Variants in RFFL observed in about 807,000 individuals in gnomAD.
RFFL encodes the protein E3 ubiquitin-protein ligase rififylin.
RFFL carries 16 observed loss-of-function variants against 40.4 expected under a neutral mutation model. The ratio of observed to expected loss-of-function variants is 0.40; its 90% confidence interval spans 0.27 to 0.60. RFFL has a LOEUF of 0.60. Among genes scored for constraint, RFFL ranks in the 20% least tolerant of loss-of-function variants. RFFL has a pLI of 0.47. For synonymous variants in RFFL, 154 were observed against 167.9 expected (o/e 0.92, Z 0.64); for missense variants, 367 against 451.7 (o/e 0.81, Z 1.70).
intron 1 of RFFL, among the ~76,000 whole-genome samples, chr17:35,086,452 G>A (rs2091430107): frequency 6.7e-6 from 1 of 149,770 alleles, no homozygotes; most frequent in Admixed American, 6.7e-5. Flanking sequence ...ACTCCAGCAT[G>A]GTTGACAAGA....
intron 1 of RFFL, among the ~76,000 whole-genome samples, chr17:35,035,408 CAAA>C (rs35989343): frequency 1.7e-5 from 2 of 115,752 alleles, no homozygotes; most frequent in Non-Finnish European, 1.9e-5. Flanking sequence ...GACTCCATCT[CAAA>C]AAAAAAAAAA....
chr17:35,022,251 G>T (rs2240074), intron 2 of RFFL, among the ~76,000 whole-genome samples: 34,061 of 152,064 alleles, frequency 0.22, 6,129 homozygotes, highest in African/African-American at 0.5. Context: ...GATTAAGAGA[G>T]AACCCATTTA....
chr17:35,040,313 C>T (rs907514536), intron 1 of RFFL, among the ~76,000 whole-genome samples: 3 of 152,004 alleles, frequency 2.0e-5, no homozygotes, highest in Non-Finnish European at 2.9e-5. Context: ...CTTTAAATAC[C>T]TTTCTTGGCC....
chr17:35,051,348 C>T (rs1346420491), intron 1 of RFFL, among the ~76,000 whole-genome samples: 1 of 152,242 alleles, frequency 6.6e-6, no homozygotes, highest in East Asian at 1.9e-4. Flanking sequence ...ACACGAGTTA[C>T]AGCAGACAAA....
chr17:35,021,329 C>T (rs752271507), intron 3 of RFFL, 42 bp downstream of exon 3: 172 of 1,501,716 alleles, frequency 1.1e-4, no homozygotes, highest in Non-Finnish European at 1.5e-4. Flanking sequence ...AATGAGCCCT[C>T]AAACTGGCAC....
chr17:35,045,255 C>T (rs1261433856), intron 1 of RFFL, among the ~76,000 whole-genome samples: 3 of 151,368 alleles, frequency 2.0e-5, no homozygotes, highest in Non-Finnish European at 4.4e-5. Context: ...TTTTTTGAGA[C>T]AGAGTCTCAC....
upstream of RFFL, among the ~76,000 whole-genome samples, chr17:35,066,522 C>A (rs915126666): frequency 3.9e-5 from 6 of 152,046 alleles, no homozygotes; most frequent in Non-Finnish European, 7.4e-5. Flanking sequence ...AATTACCCCC[C>A]AAAAATCATG....
chr17:35,052,044 C>T lies in RFFL; in HGVS notation c.-9+11532G>A, dbSNP rs149748075. On this transcript the variant is annotated intron_variant, in intron 1 of 6. Transcript: ENST00000394597. Reference sequence around the variant, plus strand: ...TGGGTCTGTTTTCTCATCTGGAAAACAGGAAGGTTGAACTACATTCATCTC... The same window carrying T: ...TGGGTCTGTTTTCTCATCTGGAAAATAGGAAGGTTGAACTACATTCATCTC... Among the ~76,000 whole-genome samples the T allele has an allele frequency of 2.8e-3, 431 of 152,286 alleles. 1 individual carries two copies. Among genetic ancestry groups the T allele is most frequent in the African/African-American group, 9.7e-3 (404 of 41,554 alleles).
chr17:35,059,865 C>A (rs1388165120), intron 1 of RFFL, among the ~76,000 whole-genome samples: 3 of 152,252 alleles, frequency 2.0e-5, no homozygotes, highest in Admixed American at 2.0e-4. Flanking sequence ...TGTTTTTCAA[C>A]CTTTTAATCA....
chr17:35,047,577 G>A (rs973291956), intron 1 of RFFL, among the ~76,000 whole-genome samples: 2 of 151,892 alleles, frequency 1.3e-5, no homozygotes, highest in Admixed American at 6.6e-5. Context: ...GCCCATTAAG[G>A]TTCTTAACTT....
chr17:35,027,359 G>A (rs921460681), intron 1 of RFFL, among the ~76,000 whole-genome samples: 5 of 152,140 alleles, frequency 3.3e-5, no homozygotes, highest in African/African-American at 9.7e-5. Flanking sequence ...CTGTTCCCTA[G>A]CACTGTTGTC....
Position 35,016,503 on chromosome 17 carries a change from T to C in RFFL, c.753A>G (p.Glu251=). Residue 251 remains glutamate (E), a synonymous_variant, in exon 5 of 7, where the codon GAA becomes GAG. Transcript: ENST00000394597. ...CTTTCAGCTGCCGCACTGTCAGGCCTTCAATGTCCTCCAGGTCAGTCAGGT... is the reference window on the plus strand; with the variant it reads ...CTTTCAGCTGCCGCACTGTCAGGCCCTCAATGTCCTCCAGGTCAGTCAGGT... The part of the protein sequence containing the change: ...LSDLTDLEDI[E]GLTVRQLKEI... The C allele has an allele frequency of 6.2e-7, 1 of 1,614,184 alleles. No homozygotes were observed.
Position 35,016,560 on chromosome 17 carries a change from G to T in RFFL, c.696C>A (p.Ser232Arg). Reference sequence around the variant, plus strand: ...GAGAGGCCCTTCGGCCTGGGACAAAGCTGTCCTCTGAGTCAATAGACTGCA... The same window carrying T: ...GAGAGGCCCTTCGGCCTGGGACAAATCTGTCCTCTGAGTCAATAGACTGCA... ...DETQSIDSED[S>R]FVPGRRASLS... The change falls in exon 5 of 7, where the codon AGC becomes AGA. Residue 232 changes from serine to arginine, a missense_variant. Transcript: ENST00000394597. The T allele has an allele frequency of 6.2e-7, 1 of 1,614,042 alleles. No homozygotes were observed. The highest frequency in any genetic ancestry group is 8.5e-7 in the Non-Finnish European group (1 of 1,179,906).
intron 1 of RFFL, among the ~76,000 whole-genome samples, chr17:35,039,136 G>C (rs550519094): frequency 6.6e-6 from 1 of 152,232 alleles, no homozygotes; most frequent in South Asian, 2.1e-4. Flanking sequence ...CGAACTCCTG[G>C]GCTCAAGCAA....
At chr17:35,019,859 A>G (rs964649904) in intron 3 of RFFL, among the ~76,000 whole-genome samples, 2 of 152,210 alleles carry the variant, frequency 1.3e-5, no homozygotes, top group African/African-American at 4.8e-5. Flanking sequence ...TGTTCAGGCC[A>G]AAAAGGGAGT....
At chr17:35,069,194 C>T (rs2091334692) in intron 1 of RFFL, 1 of 455,786 alleles carries the variant, frequency 2.2e-6, no homozygotes, top group Non-Finnish European at 4.4e-6. Context: ...CACACACTCA[C>T]ATGCTCTGTC....
intron 6 of RFFL, among the ~76,000 whole-genome samples, chr17:35,013,432 T>C (rs35744965): frequency 0.025 from 3,869 of 152,264 alleles, 167 homozygotes; most frequent in African/African-American, 0.087. Flanking sequence ...CCATCTCCAA[T>C]ATGTCTTAAA....
At chr17:35,029,521 C>CTT (rs34986105) in intron 1 of RFFL, among the ~76,000 whole-genome samples, 12 of 114,980 alleles carry the variant, frequency 1.0e-4, no homozygotes, top group African/African-American at 3.0e-4. Context: ...TTTTTGCTTT[C>CTT]TTTTTTTTTT....
rs372952673 is a variant in RFFL, at chr17:35,060,969, G to T, written c.-9+2607C>A. Among the ~76,000 whole-genome samples, 3 of 152,290 alleles carry T rather than the reference G, an allele frequency of 2.0e-5. No individual in the cohort carries two copies. The East Asian group carries it at 5.8e-4, about 29-fold the overall frequency. On this transcript the variant is annotated intron_variant, in intron 1 of 6. Transcript: ENST00000394597. ...GTCCTGAGGGATGAGTATCTTGCCA[G>T]TTAGAGAAGGGAGAGTCCATTGGGA... is the stretch of plus-strand genomic sequence containing the variant.
Sources: allele counts gnomAD v4.1 joint callset (sites outside exome capture counted in the v4.1 genomes callset), GRCh38; gene constraint gnomAD v4.1.1; transcripts MANE v1.5; gene names NCBI Gene and HGNC (gene_info 2026-07-23, HGNC 2026-07-21).